NALF1: variants seen among roughly 807,000 people sequenced by gnomAD.
NALF1 encodes the protein NALCN channel auxiliary factor 1.
In NALF1, 3 loss-of-function variants were observed where a neutral mutation model predicts 48.4. The ratio of observed to expected loss-of-function variants is 0.06; its 90% CI spans 0.03 to 0.16. NALF1 has a LOEUF of 0.16. Among genes scored for constraint, NALF1 ranks in the 10% least tolerant of loss-of-function variants. NALF1 has a pLI of 1.00. For missense variants in NALF1, 526 were observed against 571.5 expected, an observed-to-expected ratio of 0.92 and a Z score of 0.81; for synonymous variants, 262 against 245.7, an observed-to-expected ratio of 1.07 and a Z score of -0.62.
intron 1 of NALF1, among the ~76,000 whole-genome samples, chr13:107,246,888 G>T (rs4771566): frequency 6.6e-6 from 1 of 151,950 alleles, no homozygotes; most frequent in Non-Finnish European, 1.5e-5. Context: ...TAATTAAGTG[G>T]TAATTTTCTG....
intron 1 of NALF1, among the ~76,000 whole-genome samples, chr13:107,717,569 A>G (rs574537932): frequency 1.2e-3 from 182 of 152,166 alleles, no homozygotes; most frequent in Non-Finnish European, 2.1e-3. Flanking sequence ...GTAAAAAGCT[A>G]CGTCCAGTGC....
chr13:107,330,670 C>T (rs1040044167), intron 1 of NALF1, among the ~76,000 whole-genome samples: 1 of 152,176 alleles, frequency 6.6e-6, no homozygotes, highest in African/African-American at 2.4e-5. Context: ...GGCTGTGTCA[C>T]CATAGTTACA....
intron 1 of NALF1, among the ~76,000 whole-genome samples, chr13:107,824,647 C>G (rs1879458991): frequency 6.6e-6 from 1 of 152,202 alleles, no homozygotes; most frequent in Non-Finnish European, 1.5e-5. Context: ...TCATTGGTCT[C>G]TCAGCTCCAT....
intron 1 of NALF1, among the ~76,000 whole-genome samples, chr13:107,794,420 G>T (rs4318079): frequency 0.18 from 26,701 of 150,944 alleles, 2,480 homozygotes; most frequent in Middle Eastern, 0.22. Context: ...CAAGGTATGA[G>T]AATGTTAATG....
At chr13:107,568,567 G>C (rs1380592328) in intron 1 of NALF1, among the ~76,000 whole-genome samples, 1 of 152,146 alleles carries the variant, frequency 6.6e-6, no homozygotes, top group Non-Finnish European at 1.5e-5. Context: ...GTATCCACTA[G>C]CACTATATGA....
chr13:107,435,099 G>A (rs1884442776), intron 1 of NALF1, among the ~76,000 whole-genome samples: 1 of 151,880 alleles, frequency 6.6e-6, no homozygotes, highest in South Asian at 2.1e-4. Context: ...TGGGGGTGGG[G>A]GGTAGTCTTA....
At position 107,604,580 on chromosome 13, in the gene NALF1, G is replaced by A. The variant is rs531396813; in HGVS notation, c.915+261102C>T. Among the ~76,000 whole-genome samples, 3 of 152,272 alleles carry A rather than the reference G, an allele frequency of 2.0e-5. No homozygotes were observed. In the South Asian group the frequency reaches 6.2e-4, roughly 32 times the overall value. The stretch of plus-strand genomic sequence containing the variant: ...TTTTGGAACTCAGTTGAAAAGGCAA[G>A]TAAGAAAGTTATTCTCCACAATTAA... On this transcript the variant is annotated intron_variant, in intron 1 of 2. Coordinates refer to ENST00000375915, the MANE Select transcript of NALF1 (RefSeq NM_001080396.3).
At chr13:107,728,024 G>A (rs1013240904) in intron 1 of NALF1, among the ~76,000 whole-genome samples, 1 of 152,192 alleles carries the variant, frequency 6.6e-6, no homozygotes, top group African/African-American at 2.4e-5. Flanking sequence ...TCATCAAAAA[G>A]TCAGGAAACA....
intron 1 of NALF1, among the ~76,000 whole-genome samples, chr13:107,213,947 T>C (rs1301514385): frequency 6.6e-6 from 1 of 152,062 alleles, no homozygotes; most frequent in Non-Finnish European, 1.5e-5. Context: ...AACAATAAAT[T>C]GTGGAATCAC....
At chr13:107,639,627 TC>T (rs1880095527) in intron 1 of NALF1, among the ~76,000 whole-genome samples, 1 of 88,094 alleles carries the variant, frequency 1.1e-5, no homozygotes, top group Non-Finnish European at 3.0e-5. Flanking sequence ...ATGTATGCTC[TC>T]CTTCTCAGAC....
chr13:107,847,767 C>G (rs1422110178), intron 1 of NALF1, among the ~76,000 whole-genome samples: 1 of 152,218 alleles, frequency 6.6e-6, no homozygotes, highest in Non-Finnish European at 1.5e-5. Context: ...GACACCTTGA[C>G]TGTAGCTTTG....
At chr13:107,210,450 A>T in intron 2 of NALF1, 134 bp downstream of exon 2, 1 of 645,242 alleles carries the variant, frequency 1.5e-6, no homozygotes, top group East Asian at 2.6e-5. Flanking sequence ...TGCTTCTATT[A>T]GTGAAAGTGC....
At chr13:107,222,085 A>G (rs1217215570) in intron 1 of NALF1, among the ~76,000 whole-genome samples, 9 of 152,192 alleles carry the variant, frequency 5.9e-5, no homozygotes, top group African/African-American at 1.9e-4. Flanking sequence ...TTATTAACAC[A>G]AGCTTGAAAC....
chr13:107,703,733 T>C (rs1473325642), intron 1 of NALF1, among the ~76,000 whole-genome samples: 1 of 152,156 alleles, frequency 6.6e-6, no homozygotes, highest in Non-Finnish European at 1.5e-5. Context: ...TCTTTTCTTT[T>C]TCCCCCGGAG....
rs1181045840 is a variant in NALF1 at position 107,865,887 on chromosome 13, C to T, written c.710G>A (p.Gly237Glu). Residue 237 changes from glycine (G) to glutamate (E), a missense_variant, in exon 1 of 3, where the codon GGG becomes GAG. Physicochemically the swap from Gly to Glu is moderately conservative, Grantham distance 98. Transcript: ENST00000375915. ...NSYTLWELFS[G>E]LSSPNTLNCS... ...GTTCAAAGTGTTGGGACTGGACAAC[C>T]CCGAGAACAACTCCCAAAGTGTGTA... 2 of 1,613,966 alleles carry T rather than the reference C, an allele frequency of 1.2e-6. No homozygotes were observed. The highest frequency in any genetic ancestry group is 3.3e-5 in the Admixed American group (2 of 59,998).
At chr13:107,238,553 G>A (rs778488361) in intron 1 of NALF1, among the ~76,000 whole-genome samples, 2 of 152,166 alleles carry the variant, frequency 1.3e-5, no homozygotes, top group African/African-American at 2.4e-5. Flanking sequence ...AAATCTGTGG[G>A]AGCACATGCG....
chr13:107,171,519 C>T (rs1294837462), intron 2 of NALF1, among the ~76,000 whole-genome samples: 1 of 152,208 alleles, frequency 6.6e-6, no homozygotes, highest in Non-Finnish European at 1.5e-5. Context: ...TCTCTCTCCG[C>T]TTCTCTTGTT....
intron 1 of NALF1, among the ~76,000 whole-genome samples, chr13:107,503,753 T>TTG (rs1019555168): frequency 2.4e-3 from 170 of 70,904 alleles, no homozygotes; most frequent in African/African-American, 0.013. Context: ...GTGTGTGTGT[T>TTG]TGTGTGTGTG....
intron 1 of NALF1, among the ~76,000 whole-genome samples, chr13:107,720,510 C>CAAAAAAA (rs56380251): frequency 2.2e-4 from 13 of 59,834 alleles, no homozygotes; most frequent in Admixed American, 5.8e-4. Context: ...GACTGCATCT[C>CAAAAAAA]AAAAAAAAAA....
Sources: gnomAD v4.1 joint callset for allele counts (sites outside exome capture counted in the v4.1 genomes callset) on GRCh38, gnomAD v4.1.1 for gene constraint, MANE v1.5 for transcripts, NCBI Gene and HGNC (gene_info 2026-07-23, HGNC 2026-07-21) for gene names.